Variants in BRPF3 observed in about 807,000 individuals in gnomAD.
BRPF3 encodes the protein bromodomain and PHD finger containing 3.
BRPF3 carries 18 observed loss-of-function variants against 102.0 expected under a neutral mutation model. The observed-to-expected ratio is 0.18, with a 90% CI of 0.12 to 0.26. The LOEUF (loss-of-function observed/expected upper bound fraction) is 0.26. Among genes scored for constraint, BRPF3 ranks in the 10% least tolerant of loss-of-function variants. BRPF3 has a pLI of 1.00. For missense variants in BRPF3, 1,147 were observed against 1,567.8 expected, an observed-to-expected ratio of 0.73 and a Z score of 4.53; for synonymous variants, 570 against 614.2, an observed-to-expected ratio of 0.93 and a Z score of 1.06.
intron 2 of BRPF3, among the ~76,000 whole-genome samples, chr6:36,203,422 C>T (rs1767789431): frequency 6.6e-6 from 1 of 150,828 alleles, no homozygotes; most frequent in Non-Finnish European, 1.5e-5. Flanking sequence ...TATTGCTGTT[C>T]TTTTCCCTAC....
intron 6 of BRPF3, 175 bp from the exon 7 acceptor site, chr6:36,211,083 G>A (rs1185089500): frequency 1.4e-6 from 1 of 692,120 alleles, no homozygotes; most frequent in African/African-American, 1.8e-5. Context: ...CCTTGCCCCT[G>A]TGGCTGCCTT....
At chr6:36,209,724 A>G in intron 4 of BRPF3, 63 bp from the exon 5 acceptor site, 2 of 1,556,784 alleles carry the variant, frequency 1.3e-6, no homozygotes, top group Non-Finnish European at 1.7e-6. Context: ...ACTATCAAGA[A>G]AAAGTTTCAG....
At chr6:36,215,102 AAG>A (rs1473921163) in intron 8 of BRPF3, among the ~76,000 whole-genome samples, 2 of 151,932 alleles carry the variant, frequency 1.3e-5, no homozygotes, top group Non-Finnish European at 2.9e-5. Context: ...TCCATCACTA[AAG>A]AGAGGGTTTT....
At chr6:36,207,664 A>T (rs55927421) in intron 4 of BRPF3, among the ~76,000 whole-genome samples, 2,742 of 152,320 alleles carry the variant, frequency 0.018, 80 homozygotes, top group African/African-American at 0.061. Flanking sequence ...CCTCAAGCAT[A>T]AGCTTAATAT....
intron 8 of BRPF3, 121 bp downstream of exon 8, chr6:36,214,507 T>C: frequency 4.1e-6 from 5 of 1,215,236 alleles, no homozygotes; most frequent in Non-Finnish European, 5.5e-6. Context: ...AATAGTAGCA[T>C]TGAGGGCACC....
intron 1 of BRPF3, among the ~76,000 whole-genome samples, chr6:36,199,311 T>C (rs112144672): frequency 6.6e-6 from 1 of 152,320 alleles, no homozygotes; most frequent in African/African-American, 2.4e-5. Flanking sequence ...ATCTGACTAA[T>C]GCCTGATGAT....
intron 9 of BRPF3, among the ~76,000 whole-genome samples, chr6:36,220,313 C>T (rs778535687): frequency 2.0e-5 from 3 of 152,200 alleles, no homozygotes; most frequent in Non-Finnish European, 4.4e-5. Flanking sequence ...TACTATCCTT[C>T]GTATGACAAT....
chr6:36,206,020 T>C (rs1767893947), intron 3 of BRPF3, among the ~76,000 whole-genome samples: 1 of 152,214 alleles, frequency 6.6e-6, no homozygotes, highest in South Asian at 2.1e-4. Context: ...CTTTTGACTC[T>C]TTACTCCCTA....
intron 4 of BRPF3, among the ~76,000 whole-genome samples, chr6:36,208,582 T>C (rs1767987193): frequency 6.6e-6 from 1 of 152,236 alleles, no homozygotes; most frequent in African/African-American, 2.4e-5. Flanking sequence ...AGTTTCCTCC[T>C]CATAGCCTGG....
intron 9 of BRPF3, among the ~76,000 whole-genome samples, chr6:36,219,256 C>A (rs1417271916): frequency 2.6e-5 from 4 of 152,098 alleles, no homozygotes; most frequent in Non-Finnish European, 5.9e-5. Context: ...ATTCCCCTAC[C>A]CCCCGCCAAC....
chr6:36,225,564 G>T (rs1768711388), intron 11 of BRPF3, among the ~76,000 whole-genome samples, 200 bp downstream of exon 11: 1 of 152,310 alleles, frequency 6.6e-6, no homozygotes, highest in Non-Finnish European at 1.5e-5. Flanking sequence ...AAAGTATGCA[G>T]ATCAAGGCCA....
In BRPF3 at chr6:36,228,907, C is replaced by T. The variant is rs763098659; in HGVS notation, c.3285C>T (p.Ile1095=). Residue 1095 remains isoleucine, a synonymous_variant, in exon 12 of 13, where the codon ATC becomes ATT. Coordinates refer to ENST00000357641, the MANE Select transcript of BRPF3 (RefSeq NM_015695.3). ...ATCTTCTATTCTGCCTCCAGATCATCGATCCCAAGATGCCCCGGGAGGGCC... is the reference window on the plus strand; with the variant it reads ...ATCTTCTATTCTGCCTCCAGATCATTGATCCCAAGATGCCCCGGGAGGGCC... ...RGYPSYPALI[I]DPKMPREGLL... 8.1e-6 allele frequency: 13 copies of T among 1,613,888 alleles called. 1 individual carries two copies. Among genetic ancestry groups the T allele is most frequent in the African/African-American group, 2.7e-5 (2 of 74,924 alleles).
At chr6:36,206,290 T>A (rs1322514996) in intron 3 of BRPF3, among the ~76,000 whole-genome samples, 9 of 152,246 alleles carry the variant, frequency 5.9e-5, no homozygotes, top group African/African-American at 2.2e-4. Flanking sequence ...GCATGGACAT[T>A]GGTGGGGATC....
At chr6:36,217,853 C>T (rs1232943791) in intron 8 of BRPF3, 64 bp from the exon 9 acceptor site, 1 of 1,472,724 alleles carries the variant, frequency 6.8e-7, no homozygotes, top group African/African-American at 1.4e-5. Context: ...GGCTGCCTCA[C>T]CCTGTAGCAT....
intron 9 of BRPF3, 80 bp from the exon 10 acceptor site, chr6:36,222,088 G>A: frequency 7.3e-7 from 1 of 1,372,126 alleles, no homozygotes. Context: ...CTGTCAGAGA[G>A]GGGAGAGGGG....
Position 36,201,800 on chromosome 6 carries a change from A to T in BRPF3, c.1448+30A>T. ...GCATGCCCAGAAGGGCTCCTTAGGGACTCATGGTTTCTTCTTGGGTTGGTG... is the reference window on the plus strand; with the variant it reads ...GCATGCCCAGAAGGGCTCCTTAGGGTCTCATGGTTTCTTCTTGGGTTGGTG... On this transcript the variant is annotated intron_variant, in intron 2 of 12. Transcript: ENST00000357641. The surrounding 1 kb of genome is among the most constrained non-coding windows in gnomAD (Gnocchi z 5.1). 6.4e-7 allele frequency: 1 copy of T among 1,550,652 alleles called. No homozygotes were observed. The highest frequency in any genetic ancestry group is 1.3e-5 in the South Asian group (1 of 79,942).
Position 36,210,416 on chromosome 6 carries a change from C to T in BRPF3, c.2067C>T (p.Ile689=), listed in dbSNP as rs13196897. The T allele has an allele frequency of 2.5e-6, 4 of 1,613,912 alleles. No individual in the cohort carries two copies. Among genetic ancestry groups the T allele is most frequent in the Non-Finnish European group, 3.4e-6 (4 of 1,180,044 alleles). The change falls in exon 6 of 13, where the codon ATC becomes ATT. Residue 689 remains isoleucine, a synonymous_variant. Coordinates refer to ENST00000357641, the MANE Select transcript of BRPF3 (RefSeq NM_015695.3). The surrounding 1 kb of genome is among the most constrained non-coding windows in gnomAD (Gnocchi z 4.7). ...AVRLRDLGGA[I]LRHARRQAEN... ...GCCTGCGGGACCTGGGAGGGGCCAT[C>T]CTACGGCACGCCCGGCGGCAGGCAG...
intron 3 of BRPF3, 104 bp downstream of exon 3, chr6:36,204,918 A>C: frequency 6.8e-7 from 1 of 1,476,246 alleles, no homozygotes; most frequent in Non-Finnish European, 9.1e-7. Context: ...CCCTCCATGG[A>C]GCCTTTGCCT....
chr6:36,219,570 C>T (rs1477156559), intron 9 of BRPF3, among the ~76,000 whole-genome samples: 2 of 152,152 alleles, frequency 1.3e-5, no homozygotes, highest in Non-Finnish European at 2.9e-5. Flanking sequence ...GCCACAAGAG[C>T]AAGCAAGGCC....
Sources: allele counts gnomAD v4.1 joint callset (sites outside exome capture counted in the v4.1 genomes callset), GRCh38; gene constraint gnomAD v4.1.1; non-coding constraint Gnocchi (gnomAD v3.1); transcripts MANE v1.5; gene names NCBI Gene and HGNC (gene_info 2026-07-23, HGNC 2026-07-21).